TRAPPC9: variants seen among roughly 807,000 people sequenced by gnomAD.
The protein encoded by TRAPPC9 is trafficking protein particle complex subunit 9.
A neutral mutation model predicts 124.0 loss-of-function variants in TRAPPC9; 83 were observed. The ratio of observed to expected loss-of-function variants is 0.67; its 90% CI spans 0.56 to 0.80. TRAPPC9 has a LOEUF of 0.80. Among genes scored for constraint, TRAPPC9 ranks in the 30% least tolerant of loss-of-function variants. The pLI, the probability that TRAPPC9 is intolerant of heterozygous loss-of-function variation, is 0.00. For synonymous variants in TRAPPC9, 638 were observed against 617.5 expected (o/e 1.03, Z -0.49); for missense variants, 1,302 against 1,508.3 (o/e 0.86, Z 2.27).
intron 7 of TRAPPC9, among the ~76,000 whole-genome samples, chr8:140,393,467 T>G (rs980237780): frequency 6.6e-6 from 1 of 152,192 alleles, no homozygotes; most frequent in African/African-American, 2.4e-5. Context: ...TGAATTATCT[T>G]AGATAGATAA....
rs181823044 is a variant in TRAPPC9 at position 140,221,689 on chromosome 8, G to A, written c.2432-106C>T. The A allele has an allele frequency of 8.9e-4, 1,262 of 1,423,030 alleles. 9 individuals are homozygous for A. Among genetic ancestry groups the A allele is most frequent in the Middle Eastern group, 8.1e-3 (35 of 4,316 alleles). 88.2% of individuals were successfully genotyped at this position (1,423,030 alleles called of 1,614,324 possible). A position where few individuals can be genotyped will look rare whatever the true frequency, so the allele number is the denominator to read the frequency against. On this transcript the variant is annotated intron_variant, in intron 16 of 22. Coordinates refer to ENST00000438773, the MANE Select transcript of TRAPPC9 (RefSeq NM_001160372.4). Reference sequence around the variant, plus strand: ...GTCTCGCTCTGTCGCACAAGCTGGAGTGCAGTGGTGCAATCTCTGCTCACT... The same window carrying A: ...GTCTCGCTCTGTCGCACAAGCTGGAATGCAGTGGTGCAATCTCTGCTCACT...
intron 21 of TRAPPC9, among the ~76,000 whole-genome samples, chr8:139,809,439 G>A (rs551807940): frequency 6.0e-4 from 92 of 152,214 alleles, no homozygotes; most frequent in Non-Finnish European, 1.2e-3. Flanking sequence ...AACTTCCTGC[G>A]CCAGACAGGA....
intron 6 of TRAPPC9, among the ~76,000 whole-genome samples, chr8:140,398,076 C>G (rs2132388259): frequency 6.6e-6 from 1 of 152,344 alleles, no homozygotes; most frequent in Middle Eastern, 3.4e-3. Flanking sequence ...TTTCCTCATT[C>G]TCTCTTTGCC....
At chr8:139,782,630 A>G (rs1174913609) in intron 21 of TRAPPC9, among the ~76,000 whole-genome samples, 3 of 152,228 alleles carry the variant, frequency 2.0e-5, no homozygotes, top group Admixed American at 2.0e-4. Context: ...GCAACTGAAT[A>G]TCTTGTTTCA....
At chr8:140,186,522 GT>G (rs2062358444) in intron 17 of TRAPPC9, among the ~76,000 whole-genome samples, 2 of 151,660 alleles carry the variant, frequency 1.3e-5, no homozygotes, top group Non-Finnish European at 1.5e-5. Flanking sequence ...GGAGGCAGAG[GT>G]TGCCACTGCA....
chr8:140,270,848 G>C (rs1398431653), intron 15 of TRAPPC9, among the ~76,000 whole-genome samples: 1 of 152,238 alleles, frequency 6.6e-6, no homozygotes, highest in Non-Finnish European at 1.5e-5. Flanking sequence ...GGTGGCCATA[G>C]ATGAAGCCAA....
At chr8:139,928,986 A>C (rs1165089335) in intron 19 of TRAPPC9, among the ~76,000 whole-genome samples, 1 of 149,076 alleles carries the variant, frequency 6.7e-6, no homozygotes, top group Non-Finnish European at 1.5e-5. Context: ...CTTACGGGAG[A>C]CGTGTGCGTG....
chr8:140,458,525 C>G, upstream of TRAPPC9: 1 of 1,583,546 alleles, frequency 6.3e-7, no homozygotes, highest in Non-Finnish European at 8.6e-7. Context: ...GCCGGCTTCC[C>G]CCTGTGTGGC....
At chr8:139,812,382 C>T (rs909720961) in intron 21 of TRAPPC9, among the ~76,000 whole-genome samples, 1 of 152,200 alleles carries the variant, frequency 6.6e-6, no homozygotes, top group African/African-American at 2.4e-5. Context: ...TAGAGGCGAG[C>T]AGCCCACAGA....
At chr8:140,059,550 C>A (rs1281086415) in intron 17 of TRAPPC9, among the ~76,000 whole-genome samples, 1 of 152,180 alleles carries the variant, frequency 6.6e-6, no homozygotes, top group Non-Finnish European at 1.5e-5. Flanking sequence ...GTAGCCACAC[C>A]ATTGTACACT....
chr8:140,290,235 T>A (rs2065609290), intron 12 of TRAPPC9, among the ~76,000 whole-genome samples: 2 of 152,174 alleles, frequency 1.3e-5, no homozygotes, highest in Admixed American at 1.3e-4. Context: ...AAGGCCCGCC[T>A]CTTACCCTGA....
rs1817765663 is a variant in TRAPPC9, at chr8:139,730,822, TGTATG to T, written c.*234_*238del. On this transcript the variant is annotated 3_prime_UTR_variant, in exon 23 of 23. Coordinates refer to ENST00000438773, the MANE Select transcript of TRAPPC9 (RefSeq NM_001160372.4). ...TTGGGATTTCCTCTGCTTCAGCCTG[TGTATG>T]GTCCAGGGAACAGTGTAGGAAGGGG... The T allele has an allele frequency of 1.8e-6, 1 of 562,072 alleles. No homozygotes were observed. Among genetic ancestry groups the T allele is most frequent in the Non-Finnish European group, 3.2e-6 (1 of 314,046 alleles). The allele number at this position is 562,072 out of a possible 1,614,324, so 34.8% of individuals were successfully genotyped here. A position where few individuals can be genotyped will look rare whatever the true frequency, so the allele number is the denominator to read the frequency against.
intron 21 of TRAPPC9, among the ~76,000 whole-genome samples, chr8:139,878,604 C>T (rs1829480881): frequency 6.6e-6 from 1 of 152,156 alleles, no homozygotes; most frequent in Admixed American, 6.5e-5. Context: ...TGTGGCAGGG[C>T]TCGGAAATAA....
chr8:140,054,329 A>G (rs1842177800), intron 17 of TRAPPC9, among the ~76,000 whole-genome samples: 1 of 152,230 alleles, frequency 6.6e-6, no homozygotes, highest in African/African-American at 2.4e-5. Flanking sequence ...TTTTGTTTCA[A>G]ACGAAATCAA....
chr8:140,099,676 T>G (rs1051902629), intron 17 of TRAPPC9: 4 of 146,466 alleles, frequency 2.7e-5, no homozygotes, highest in Non-Finnish European at 6.0e-5. Flanking sequence ...CAGCTAGGTC[T>G]CTGCACAGCT....
chr8:139,778,303 A>G (rs1408552345), intron 21 of TRAPPC9, among the ~76,000 whole-genome samples: 1 of 148,576 alleles, frequency 6.7e-6, no homozygotes, highest in Non-Finnish European at 1.5e-5. Flanking sequence ...AGCAAAACCC[A>G]AAAGGATATA....
chr8:140,126,890 G>A (rs1483134171), intron 17 of TRAPPC9, among the ~76,000 whole-genome samples: 2 of 152,166 alleles, frequency 1.3e-5, no homozygotes. Context: ...CTAATTGTGC[G>A]TTCGCAGCTT....
Position 140,058,053 on chromosome 8 carries a change from C to T in TRAPPC9, c.2557-33974G>A, listed in dbSNP as rs527621412. Among the ~76,000 whole-genome samples, 39 of 152,266 alleles carry T rather than the reference C, an allele frequency of 2.6e-4. No homozygotes were observed. In the East Asian group the frequency reaches 6.9e-3, roughly 27 times the overall value. On this transcript the variant is annotated intron_variant, in intron 17 of 22. Transcript: ENST00000438773. The stretch of plus-strand genomic sequence containing the variant: ...AGCGCATTGCATACAGAAGTGCTCG[C>T]GAATGTGACAGCTCATGGGGCACGT...
intron 17 of TRAPPC9, among the ~76,000 whole-genome samples, chr8:140,215,018 C>T (rs1297056758): frequency 6.6e-6 from 1 of 152,134 alleles, no homozygotes; most frequent in Non-Finnish European, 1.5e-5. Context: ...TGCCAGATGC[C>T]CCTACAGCAA....
Sources: allele counts gnomAD v4.1 joint callset (sites outside exome capture counted in the v4.1 genomes callset), GRCh38; gene constraint gnomAD v4.1.1; transcripts MANE v1.5; gene names NCBI Gene and HGNC (gene_info 2026-07-23, HGNC 2026-07-21).